Variants in SMAD2 observed in about 807,000 individuals in gnomAD.
SMAD2 encodes SMAD family member 2.
A neutral mutation model predicts 64.4 loss-of-function variants in SMAD2; 8 were observed. The observed-to-expected ratio is 0.12, with a 90% CI of 0.07 to 0.22. SMAD2 has a LOEUF of 0.22. SMAD2 is among the 10% of genes least tolerant of loss of function. SMAD2 has a pLI of 1.00. For synonymous variants in SMAD2, 203 were observed against 195.8 expected, an observed-to-expected ratio of 1.04 and a Z score of -0.31; for missense variants, 289 against 561.2, an observed-to-expected ratio of 0.51 and a Z score of 4.90.
At position 47,848,500 on chromosome 18, in the gene SMAD2, C is replaced by G. The variant is rs372655472; in HGVS notation, c.972G>C (p.Thr324=). ...GLLSNVNRNA[T]VEMTRRHIGR... Reference sequence around the variant, plus strand: ...CTATATGCCTTCTTGTCATTTCTACCGTGGCATTTCGGTTAACATTGGAGA... The same window carrying G: ...CTATATGCCTTCTTGTCATTTCTACGGTGGCATTTCGGTTAACATTGGAGA... The change falls in exon 8 of 11, where the codon ACG becomes ACC. Residue 324 remains threonine (T), a synonymous_variant. Transcript: ENST00000262160. 1.8e-5 allele frequency: 29 copies of G among 1,613,368 alleles called. No individual in the cohort carries two copies. The highest frequency in any genetic ancestry group is 1.8e-5 in the Non-Finnish European group (21 of 1,179,404).
chr18:47,872,817 GCCTTT>G (rs1434180256), intron 2 of SMAD2, among the ~76,000 whole-genome samples: 1 of 152,090 alleles, frequency 6.6e-6, no homozygotes, highest in Non-Finnish European at 1.5e-5. Flanking sequence ...TGGAAAACTT[GCCTTT>G]CATGACTCTG....
In SMAD2 at chr18:47,820,270, TATAACACTTCAA is replaced by T. The variant is rs1223868864; in HGVS notation, c.*21545_*21556del. On this transcript the variant is annotated 3_prime_UTR_variant, in exon 11 of 11. Coordinates refer to ENST00000262160, the MANE Select transcript of SMAD2 (RefSeq NM_005901.6). ...ATGGTTCTCATTTATAAAATGCTGA[TATAACACTTCAA>T]AATTTTGCTTCCTAGGTTTTCACTA... The T allele has an allele frequency of 1.3e-5, 2 of 152,186 alleles. No individual in the cohort carries two copies. Among genetic ancestry groups the T allele is most frequent in the African/African-American group, 4.8e-5 (2 of 41,444 alleles). 9.4% of individuals were successfully genotyped at this position (152,186 alleles called of 1,614,324 possible). A position where few individuals can be genotyped will look rare whatever the true frequency, so the allele number is the denominator to read the frequency against.
intron 1 of SMAD2, among the ~76,000 whole-genome samples, chr18:47,921,636 C>T (rs1281544386): frequency 6.6e-6 from 1 of 152,134 alleles, no homozygotes; most frequent in Non-Finnish European, 1.5e-5. Context: ...TACCAGAACA[C>T]TTTTCATTTT....
In SMAD2 at chr18:47,838,832, C is replaced by T. The variant is rs1466270048; in HGVS notation, c.*2995G>A. 4.3e-6 allele frequency: 1 copy of T among 232,756 alleles called. No individual in the cohort carries two copies. Among genetic ancestry groups the T allele is most frequent in the Non-Finnish European group, 8.5e-6 (1 of 117,724 alleles). 14.4% of individuals were successfully genotyped at this position (232,756 alleles called of 1,614,324 possible). A position where few individuals can be genotyped will look rare whatever the true frequency, so the allele number is the denominator to read the frequency against. ...GGAACCTACTGGAAAAAATATTACT[C>T]ATCTTAGAAATGTGATAGAAAGCAT... is the stretch of plus-strand genomic sequence containing the variant. On this transcript the variant is annotated 3_prime_UTR_variant, in exon 11 of 11. Transcript: ENST00000262160.
chr18:47,849,731 A>G (rs895186343), intron 7 of SMAD2, among the ~76,000 whole-genome samples: 2 of 152,090 alleles, frequency 1.3e-5, no homozygotes, highest in Non-Finnish European at 2.9e-5. Flanking sequence ...ATTTGGGCCC[A>G]GCACGATGGC....
chr18:47,811,422 A>C lies in SMAD2; in HGVS notation c.*30405T>G, dbSNP rs1912197731. 1.4e-5 allele frequency: 2 copies of C among 138,660 alleles called. No homozygotes were observed. Among genetic ancestry groups the C allele is most frequent in the Admixed American group, 1.6e-4 (2 of 12,696 alleles). 8.6% of individuals were successfully genotyped at this position (138,660 alleles called of 1,614,324 possible). A position where few individuals can be genotyped will look rare whatever the true frequency, so the allele number is the denominator to read the frequency against. ...GAGGCGGAGCTTGCAGTGAGCTGAG[A>C]TTGTGCCACTGCACTCCAGCCTGGG... On this transcript the variant is annotated 3_prime_UTR_variant, in exon 11 of 11. Transcript: ENST00000262160.
chr18:47,877,445 G>A (rs2032329355), intron 2 of SMAD2, among the ~76,000 whole-genome samples: 1 of 151,934 alleles, frequency 6.6e-6, no homozygotes, highest in Non-Finnish European at 1.5e-5. Context: ...AACAGCTCAG[G>A]AATGAAGAGT....
intron 2 of SMAD2, among the ~76,000 whole-genome samples, chr18:47,878,907 T>G (rs572259875): frequency 2.0e-5 from 3 of 152,282 alleles, no homozygotes; most frequent in East Asian, 3.9e-4. Context: ...CCCTTACTTT[T>G]TGGAACATTA....
chr18:47,871,536 G>A (rs2031932684), intron 2 of SMAD2, among the ~76,000 whole-genome samples: 1 of 152,160 alleles, frequency 6.6e-6, no homozygotes, highest in African/African-American at 2.4e-5. Flanking sequence ...TAGTACTACA[G>A]GTGCTGTCAC....
In SMAD2 at chr18:47,841,848, C is replaced by T; in HGVS notation, c.1383G>A (p.Val461=). The T allele has an allele frequency of 6.2e-7, 1 of 1,614,172 alleles. No individual in the cohort carries two copies. Among genetic ancestry groups the T allele is most frequent in the Non-Finnish European group, 8.5e-7 (1 of 1,180,016 alleles). The change falls in exon 11 of 11, where the codon GTG becomes GTA. Residue 461 remains valine (V), a synonymous_variant. Coordinates refer to ENST00000262160, the MANE Select transcript of SMAD2 (RefSeq NM_005901.6). ...AGCTTTATGACATGCTTGAGCAACG[C>T]ACTGAAGGGGATCCCATCTGAGTTA... is the stretch of plus-strand genomic sequence containing the variant. The part of the protein sequence containing the change: ...KVLTQMGSPS[V]RCSSMS
upstream of SMAD2, chr18:47,930,672 C>A (rs2034980053): frequency 6.7e-6 from 1 of 149,394 alleles, no homozygotes; most frequent in Admixed American, 6.7e-5. Flanking sequence ...CCGCGCTGCC[C>A]CTCCTCCCCT....
At chr18:47,919,629 G>A (rs1433606625) in intron 1 of SMAD2, among the ~76,000 whole-genome samples, 1 of 152,118 alleles carries the variant, frequency 6.6e-6, no homozygotes, top group Non-Finnish European at 1.5e-5. Flanking sequence ...GGCAACCAGT[G>A]CAAATCGGAG....
In SMAD2 at chr18:47,856,227, G is replaced by C. The variant is rs1214907032; in HGVS notation, c.731-4900C>G. Among the ~76,000 whole-genome samples, 5 of 151,962 alleles carry C rather than the reference G, an allele frequency of 3.3e-5. No individual in the cohort carries two copies. The East Asian group carries it at 9.6e-4, about 29-fold the overall frequency. On this transcript the variant is annotated intron_variant, in intron 6 of 10. Coordinates refer to ENST00000262160, the MANE Select transcript of SMAD2 (RefSeq NM_005901.6). ...GAAAATAGGGAGATTATAGGTCAAA[G>C]GGTATAAAGTTGCAGATATGTAAGA...
rs1555639120 is a variant in SMAD2 at position 47,819,241 on chromosome 18, G to A, written c.*22586C>T. On this transcript the variant is annotated 3_prime_UTR_variant, in exon 11 of 11. Transcript: ENST00000262160. The stretch of plus-strand genomic sequence containing the variant: ...GAATTTACTACTCAGTTTTATATTT[G>A]TCTCTGTTAGACTTTTTAAGGTCAT... 1.3e-5 allele frequency: 2 copies of A among 152,080 alleles called. No homozygotes were observed. The highest frequency in any genetic ancestry group is 6.5e-5 in the Admixed American group (1 of 15,272). The allele number at this position is 152,080 out of a possible 1,614,324, so 9.4% of individuals were successfully genotyped here.
rs577326567 is a variant in SMAD2, at chr18:47,817,289, G to C, written c.*24538C>G. 1.3e-3 allele frequency: 191 copies of C among 152,370 alleles called. 1 individual carries two copies. Among genetic ancestry groups the C allele is most frequent in the African/African-American group, 3.8e-3 (157 of 41,580 alleles). 9.4% of individuals were successfully genotyped at this position (152,370 alleles called of 1,614,324 possible). A position where few individuals can be genotyped will look rare whatever the true frequency, so the allele number is the denominator to read the frequency against. On this transcript the variant is annotated 3_prime_UTR_variant, in exon 11 of 11. Transcript: ENST00000262160. ...GCCCCAGTGAGTCTTTTCTCAGGCA[G>C]AGCCTCCCACTTTTGGCAGAGGCTT...
rs1568020415 is a variant in SMAD2 at position 47,833,914 on chromosome 18, CG to C, written c.*7912del. 1 of 225,402 alleles carries C rather than the reference CG, an allele frequency of 4.4e-6. No individual in the cohort carries two copies. Among genetic ancestry groups the C allele is most frequent in the African/African-American group, 2.2e-5 (1 of 44,640 alleles). The allele number at this position is 225,402 out of a possible 1,614,324, so 14.0% of individuals were successfully genotyped here. ...CAGATTAAGTTTAACCCCATAAGGACGCATGATTTGTACTTACATATACACA... is the reference window on the plus strand; with the variant it reads ...CAGATTAAGTTTAACCCCATAAGGACCATGATTTGTACTTACATATACACA... On this transcript the variant is annotated 3_prime_UTR_variant, in exon 11 of 11. Transcript: ENST00000262160.
intron 1 of SMAD2, chr18:47,920,055 A>T (rs186966083): frequency 1.0e-3 from 158 of 152,358 alleles, no homozygotes; most frequent in African/African-American, 3.6e-3. Context: ...TATAAACAAC[A>T]GAAATTTATT....
At chr18:47,868,087 G>C (rs951724766) in intron 5 of SMAD2, among the ~76,000 whole-genome samples, 3 of 152,046 alleles carry the variant, frequency 2.0e-5, no homozygotes, top group Non-Finnish European at 4.4e-5. Context: ...ACAGTACTTT[G>C]ATTAAAGTCA....
chr18:47,857,812 G>C (rs1315961106), intron 6 of SMAD2, among the ~76,000 whole-genome samples: 2 of 152,236 alleles, frequency 1.3e-5, no homozygotes, highest in African/African-American at 2.4e-5. Flanking sequence ...TCACCAGTCA[G>C]TTTTAATACA....
Sources: gnomAD v4.1 joint callset for allele counts (sites outside exome capture counted in the v4.1 genomes callset) on GRCh38, gnomAD v4.1.1 for gene constraint, MANE v1.5 for transcripts, NCBI Gene and HGNC (gene_info 2026-07-23, HGNC 2026-07-21) for gene names.